Variants in FBXL17 observed in about 807,000 individuals in gnomAD.
The protein encoded by FBXL17 is F-box and leucine rich repeat protein 17.
FBXL17 carries 22 observed loss-of-function variants against 66.2 expected under a neutral mutation model. The ratio of observed to expected loss-of-function variants is 0.33; its 90% CI spans 0.24 to 0.47. The LOEUF is 0.47. FBXL17 is among the 20% of genes least tolerant of loss of function. The probability of loss-of-function intolerance (pLI) is 1.00; values close to 1 mark genes in which losing one functional copy is unlikely to be tolerated. For missense variants in FBXL17, 878 were observed against 948.2 expected, an observed-to-expected ratio of 0.93 and a Z score of 0.97; for synonymous variants, 474 against 400.5, an observed-to-expected ratio of 1.18 and a Z score of -2.19.
Position 107,943,551 on chromosome 5 carries a change from T to G in FBXL17, c.1823-62372A>C, listed in dbSNP as rs1022072000. Among the ~76,000 whole-genome samples the G allele has an allele frequency of 2.0e-4, 31 of 151,814 alleles. 1 individual carries two copies. The highest frequency in any genetic ancestry group is 5.8e-4 in the East Asian group (3 of 5,172). On this transcript the variant is annotated intron_variant, in intron 7 of 8. Coordinates refer to ENST00000542267, the MANE Select transcript of FBXL17 (RefSeq NM_001163315.3). ...AGTCTTTGTTTAGAACCTCATCTTTTTTTTTTTTTTCACCCAATCTACTGC... is the reference window on the plus strand; with the variant it reads ...AGTCTTTGTTTAGAACCTCATCTTTGTTTTTTTTTTCACCCAATCTACTGC...
intron 7 of FBXL17, among the ~76,000 whole-genome samples, chr5:108,003,763 G>A (rs775148421): frequency 1.3e-5 from 2 of 152,088 alleles, no homozygotes; most frequent in Non-Finnish European, 2.9e-5. Flanking sequence ...TCAGCAAATC[G>A]TAAGCAGATG....
chr5:108,229,495 G>A (rs1408497483), intron 4 of FBXL17, among the ~76,000 whole-genome samples: 2 of 152,124 alleles, frequency 1.3e-5, no homozygotes, highest in South Asian at 2.1e-4. Flanking sequence ...AAATGGTGCT[G>A]GGATAATTGG....
intron 4 of FBXL17, among the ~76,000 whole-genome samples, chr5:108,225,933 T>C (rs80284112): frequency 6.6e-6 from 1 of 152,310 alleles, no homozygotes; most frequent in African/African-American, 2.4e-5. Context: ...CCTCCTTCCT[T>C]ACTTTTGGCT....
chr5:108,381,953 G>C lies in FBXL17; in HGVS notation c.-262C>G, dbSNP rs560067119. 1.6e-6 allele frequency: 2 copies of C among 1,238,068 alleles called. No homozygotes were observed. Among genetic ancestry groups the C allele is most frequent in the Non-Finnish European group, 2.0e-6 (2 of 989,012 alleles). 76.7% of individuals were successfully genotyped at this position (1,238,068 alleles called of 1,614,324 possible). ...GCGCGAGCTTTGGGGACGCGAGGGA[G>C]GGAGCGAGCGAGCCTGCCGGCTAGG... On this transcript the variant is annotated 5_prime_UTR_variant, in exon 1 of 9. Transcript: ENST00000542267.
At chr5:107,938,960 A>T (rs1188319889) in intron 7 of FBXL17, among the ~76,000 whole-genome samples, 1 of 152,160 alleles carries the variant, frequency 6.6e-6, no homozygotes, top group Non-Finnish European at 1.5e-5. Context: ...CTTTTCTAAA[A>T]TACAAAAACT....
chr5:108,067,337 C>T (rs573973225), intron 6 of FBXL17, among the ~76,000 whole-genome samples: 5 of 151,906 alleles, frequency 3.3e-5, no homozygotes, highest in African/African-American at 9.7e-5. Context: ...CATTTTGTTC[C>T]GATTAGTAAG....
chr5:108,153,000 G>A (rs1317754922), intron 6 of FBXL17, among the ~76,000 whole-genome samples: 1 of 152,116 alleles, frequency 6.6e-6, no homozygotes, highest in Non-Finnish European at 1.5e-5. Flanking sequence ...ATGACAGTGA[G>A]TAAGTCTCAT....
chr5:108,337,941 C>CA (rs1001163696), intron 4 of FBXL17, among the ~76,000 whole-genome samples: 2 of 151,528 alleles, frequency 1.3e-5, no homozygotes, highest in Non-Finnish European at 2.9e-5. Flanking sequence ...ATTCTTCGCA[C>CA]AAAAAAGCTT....
At chr5:108,355,632 A>G (rs1445226714) in intron 3 of FBXL17, among the ~76,000 whole-genome samples, 2 of 152,174 alleles carry the variant, frequency 1.3e-5, no homozygotes, top group Non-Finnish European at 2.9e-5. Context: ...ACTACCTGTG[A>G]TGCAGTACAA....
intron 6 of FBXL17, among the ~76,000 whole-genome samples, chr5:108,076,722 T>A (rs1321384981): frequency 1.3e-5 from 2 of 152,162 alleles, no homozygotes; most frequent in African/African-American, 4.8e-5. Flanking sequence ...CTCCCCTTTC[T>A]ACACCTTTCC....
At chr5:108,021,034 G>A (rs753037318) in intron 6 of FBXL17, 33 bp from the exon 7 acceptor site, 30 of 1,502,710 alleles carry the variant, frequency 2.0e-5, no homozygotes, top group Non-Finnish European at 2.7e-5. Context: ...ATACTAATGC[G>A]TTTCAAGTTA....
At chr5:107,945,781 A>G (rs1751261247) in intron 7 of FBXL17, among the ~76,000 whole-genome samples, 1 of 152,198 alleles carries the variant, frequency 6.6e-6, no homozygotes, top group Non-Finnish European at 1.5e-5. Context: ...GAGCAGAGAC[A>G]GAAATGTAAT....
intron 4 of FBXL17, among the ~76,000 whole-genome samples, chr5:108,305,738 G>A (rs1200831542): frequency 1.3e-5 from 2 of 152,108 alleles, no homozygotes; most frequent in Non-Finnish European, 2.9e-5. Flanking sequence ...AAAACTAACT[G>A]CTCAACAATC....
chr5:108,299,154 T>C, intron 4 of FBXL17: 1 of 981,130 alleles, frequency 1.0e-6, no homozygotes, highest in Non-Finnish European at 1.2e-6. Flanking sequence ...CTGTCAAGAT[T>C]CTATCAAGTT....
chr5:107,864,460 C>A (rs377749223), intron 8 of FBXL17, among the ~76,000 whole-genome samples: 29 of 152,250 alleles, frequency 1.9e-4, no homozygotes, highest in African/African-American at 7.0e-4. Context: ...ATAACATAGT[C>A]CAGGTTTTAA....
At chr5:108,051,806 C>T (rs1018628755) in intron 6 of FBXL17, among the ~76,000 whole-genome samples, 3 of 151,972 alleles carry the variant, frequency 2.0e-5, no homozygotes, top group Non-Finnish European at 4.4e-5. Context: ...GAAACCTCAT[C>T]TCCACTAAAA....
chr5:108,325,984 T>C (rs73781325), intron 4 of FBXL17, among the ~76,000 whole-genome samples: 2,534 of 152,226 alleles, frequency 0.017, 70 homozygotes, highest in African/African-American at 0.059. Flanking sequence ...ACAGAGGACA[T>C]AGAAAGGAAC....
intron 4 of FBXL17, among the ~76,000 whole-genome samples, chr5:108,255,267 G>A (rs1756527321): frequency 6.6e-6 from 1 of 152,044 alleles, no homozygotes; most frequent in Non-Finnish European, 1.5e-5. Flanking sequence ...TGAAAGCTCA[G>A]CATGCAGCAT....
chr5:108,140,769 G>C, intron 6 of FBXL17, among the ~76,000 whole-genome samples: 1 of 151,800 alleles, frequency 6.6e-6, no homozygotes, highest in Non-Finnish European at 1.5e-5. Flanking sequence ...CCCAAAATTC[G>C]AGATGATTGC....
Sources: gnomAD v4.1 joint callset for allele counts (sites outside exome capture counted in the v4.1 genomes callset) on GRCh38, gnomAD v4.1.1 for gene constraint, MANE v1.5 for transcripts, NCBI Gene and HGNC (gene_info 2026-07-23, HGNC 2026-07-21) for gene names.